The following MTNR1A variants were observed in gnomAD, a reference collection of about 807,000 sequenced individuals.
The protein encoded by MTNR1A is melatonin receptor type 1A.
A neutral mutation model predicts 5.5 loss-of-function variants in MTNR1A; 7 were observed. That is an observed-to-expected ratio of 1.28 (90% CI 0.73 to 2.40). The LOEUF (loss-of-function observed/expected upper bound fraction) is 2.40, where lower values mean the gene tolerates loss of function less well. MTNR1A is among the 30% of genes most tolerant of loss of function. MTNR1A has a pLI of 0.00. For missense variants in MTNR1A, 441 were observed against 464.4 expected (o/e 0.95, Z 0.46); for synonymous variants, 196 against 202.7 (o/e 0.97, Z 0.28).
At chr4:186,538,208 T>C (rs1736919157) in intron 1 of MTNR1A, among the ~76,000 whole-genome samples, 1 of 152,192 alleles carries the variant, frequency 6.6e-6, no homozygotes, top group Admixed American at 6.5e-5. Context: ...GGACACTGCC[T>C]GTCTTAGATA....
chr4:186,537,856 T>G (rs1560893728), intron 1 of MTNR1A, among the ~76,000 whole-genome samples: 1 of 152,228 alleles, frequency 6.6e-6, no homozygotes, highest in Non-Finnish European at 1.5e-5. Flanking sequence ...ACTAGAACAT[T>G]CTAAAGAGAA....
chr4:186,546,044 C>G (rs1485657210), intron 1 of MTNR1A, among the ~76,000 whole-genome samples: 1 of 152,234 alleles, frequency 6.6e-6, no homozygotes, highest in East Asian at 1.9e-4. Context: ...AGCCACGCCA[C>G]TTGCTAACGT....
At chr4:186,551,407 C>A (rs113018679) in intron 1 of MTNR1A, among the ~76,000 whole-genome samples, 1,784 of 151,548 alleles carry the variant, frequency 0.012, 35 homozygotes, top group African/African-American at 0.04. Context: ...TTCATATTGT[C>A]TACTTGTTTT....
Position 186,546,676 on chromosome 4 carries a change from C to T in MTNR1A, c.184+8506G>A, listed in dbSNP as rs1737152200. 1.3e-5 allele frequency among the ~76,000 whole-genome samples: 2 copies of T among 151,702 alleles called. 1 individual carries two copies. The highest frequency in any genetic ancestry group is 4.2e-4 in the South Asian group (2 of 4,806). ...CATGCCACCCACATCACACCCTGTT[C>T]ATGCCACCCACACCACACCTGTTCA... On this transcript the variant is annotated intron_variant, in intron 1 of 1. Transcript: ENST00000307161.
rs1307593019 is a variant in MTNR1A at position 186,555,282 on chromosome 4, G to A, written c.84C>T (p.Ser28=). ...TGAAGATGAGGACGCAGGCCAGGGC[G>A]GACGCCAGCCACGAGGGCCGCGCGC... is the stretch of plus-strand genomic sequence containing the variant. The part of the protein sequence containing the change: ...GDGARPSWLA[S]ALACVLIFTI... Residue 28 remains serine (S), a synonymous_variant, in exon 1 of 2, where the codon TCC becomes TCT. Coordinates refer to ENST00000307161, the MANE Select transcript of MTNR1A (RefSeq NM_005958.4). This position sits in a 1 kb window ranked among gnomAD's most constrained non-coding sequence, Gnocchi z 4.1. The A allele has an allele frequency of 1.9e-6, 3 of 1,550,636 alleles. No homozygotes were observed. Among genetic ancestry groups the A allele is most frequent in the African/African-American group, 2.7e-5 (2 of 73,036 alleles).
intron 1 of MTNR1A, among the ~76,000 whole-genome samples, chr4:186,554,783 A>G (rs933708063): frequency 6.6e-6 from 1 of 152,190 alleles, no homozygotes; most frequent in Non-Finnish European, 1.5e-5. Flanking sequence ...GCCAGCTTCT[A>G]TGTTTCCATA....
chr4:186,548,846 T>TATATATATATAC (rs1560898124), intron 1 of MTNR1A, among the ~76,000 whole-genome samples: 1 of 50,286 alleles, frequency 2.0e-5, no homozygotes, highest in African/African-American at 8.7e-5. Context: ...TATATATATA[T>TATATATATATAC]ACACTATATA....
At chr4:186,553,625 C>T (rs979664644) in intron 1 of MTNR1A, among the ~76,000 whole-genome samples, 5 of 152,198 alleles carry the variant, frequency 3.3e-5, no homozygotes, top group Admixed American at 2.6e-4. Context: ...GATTCTCCTG[C>T]CTCAGGCTTC....
Position 186,534,358 on chromosome 4 carries a change from G to A in MTNR1A, c.384C>T (p.Tyr128=), listed in dbSNP as rs1419083939. ...TGTCGTACTTGAGACTGTGGCAGATGTAGCAGTAGCGGTTGATGGCGATGC... is the reference window on the plus strand; with the variant it reads ...TGTCGTACTTGAGACTGTGGCAGATATAGCAGTAGCGGTTGATGGCGATGC... The part of the protein sequence containing the change: ...ITGIAINRYC[Y]ICHSLKYDKL... Residue 128 remains tyrosine (Y), a synonymous_variant, in exon 2 of 2, where the codon TAC becomes TAT. Transcript: ENST00000307161. 1.2e-6 allele frequency: 2 copies of A among 1,614,058 alleles called. No individual in the cohort carries two copies. Among genetic ancestry groups the A allele is most frequent in the African/African-American group, 1.3e-5 (1 of 74,916 alleles).
chr4:186,546,286 A>G (rs1180145104), intron 1 of MTNR1A, among the ~76,000 whole-genome samples: 1 of 151,992 alleles, frequency 6.6e-6, no homozygotes, highest in Non-Finnish European at 1.5e-5. Flanking sequence ...TGATCCCTGC[A>G]ATGGAACAGG....
rs148410996 is a variant in MTNR1A at position 186,535,474 on chromosome 4, C to T, written c.185-917G>A. On this transcript the variant is annotated intron_variant, in intron 1 of 1. Transcript: ENST00000307161. Reference sequence around the variant, plus strand: ...TCACCCAGTCTGGAGTGCAATGGTCCGACCTTGGCTCACTGCAACCTCCGC... The same window carrying T: ...TCACCCAGTCTGGAGTGCAATGGTCTGACCTTGGCTCACTGCAACCTCCGC... 2.6e-3 allele frequency among the ~76,000 whole-genome samples: 390 copies of T among 152,054 alleles called. 1 individual carries two copies. Among genetic ancestry groups the T allele is most frequent in the Middle Eastern group, 0.01 (3 of 294 alleles).
At chr4:186,547,707 T>A (rs763772999) in intron 1 of MTNR1A, among the ~76,000 whole-genome samples, 5 of 152,230 alleles carry the variant, frequency 3.3e-5, no homozygotes, top group Admixed American at 6.5e-5. Context: ...TTGGCACTGC[T>A]TTCTATTATA....
chr4:186,546,724 A>T (rs1176574807), intron 1 of MTNR1A, among the ~76,000 whole-genome samples: 3 of 123,920 alleles, frequency 2.4e-5, no homozygotes, highest in African/African-American at 6.9e-5. Context: ...TCCACACCAC[A>T]CCCTGTTCAT....
chr4:186,534,592 C>T (rs1406889853), intron 1 of MTNR1A, 35 bp from the exon 2 acceptor site: 3 of 1,600,174 alleles, frequency 1.9e-6, no homozygotes, highest in Non-Finnish European at 2.5e-6. Flanking sequence ...ACAGTGAATA[C>T]CAGTTCACAG....
At chr4:186,536,302 C>T (rs1195328789) in intron 1 of MTNR1A, among the ~76,000 whole-genome samples, 6 of 150,842 alleles carry the variant, frequency 4.0e-5, no homozygotes, top group Non-Finnish European at 5.9e-5. Flanking sequence ...GCAGAGATCG[C>T]GCCATTGCAC....
intron 1 of MTNR1A, among the ~76,000 whole-genome samples, chr4:186,543,645 T>C (rs567838829): frequency 1.3e-5 from 2 of 152,348 alleles, no homozygotes; most frequent in South Asian, 2.1e-4. Context: ...ATGTAAGTTA[T>C]AGGATATCAA....
chr4:186,539,769 T>C (rs1560894451), intron 1 of MTNR1A, among the ~76,000 whole-genome samples: 1 of 152,226 alleles, frequency 6.6e-6, no homozygotes. Context: ...CACATTTCAG[T>C]TATTTACAAC....
At chr4:186,544,143 C>T (rs1253602554) in intron 1 of MTNR1A, among the ~76,000 whole-genome samples, 2 of 152,102 alleles carry the variant, frequency 1.3e-5, no homozygotes, top group Non-Finnish European at 2.9e-5. Flanking sequence ...GGCTCAGCCT[C>T]CTGAGTAGCT....
intron 1 of MTNR1A, among the ~76,000 whole-genome samples, chr4:186,536,304 C>T (rs1440102034): frequency 6.6e-6 from 1 of 151,582 alleles, no homozygotes; most frequent in Non-Finnish European, 1.5e-5. Flanking sequence ...AGAGATCGCG[C>T]CATTGCACTC....
Sources: gnomAD v4.1 joint callset for allele counts (sites outside exome capture counted in the v4.1 genomes callset) on GRCh38, gnomAD v4.1.1 for gene constraint, Gnocchi (gnomAD v3.1) non-coding constraint, MANE v1.5 for transcripts, NCBI Gene and HGNC (gene_info 2026-07-23, HGNC 2026-07-21) for gene names.